The following HEPHL1 variants were observed in gnomAD, a reference collection of about 807,000 sequenced individuals.
HEPHL1 encodes the protein hephaestin like 1.
HEPHL1 carries 123 observed loss-of-function variants against 122.0 expected under a neutral mutation model. The ratio of observed to expected loss-of-function variants is 1.01; its 90% confidence interval spans 0.87 to 1.17. The LOEUF (loss-of-function observed/expected upper bound fraction) is 1.17, where lower values mean the gene tolerates loss of function less well. Among genes scored for constraint, HEPHL1 ranks in the 50% most tolerant of loss-of-function variants. The pLI, the probability that HEPHL1 is intolerant of heterozygous loss-of-function variation, is 0.00. For synonymous variants in HEPHL1, 527 were observed against 508.9 expected (o/e 1.04, Z -0.48); for missense variants, 1,452 against 1,430.5 (o/e 1.01, Z -0.24).
intron 2 of HEPHL1, among the ~76,000 whole-genome samples, chr11:94,056,837 T>C (rs1345457023): frequency 6.6e-6 from 1 of 152,172 alleles, no homozygotes; most frequent in Non-Finnish European, 1.5e-5. Flanking sequence ...AGTCATATAT[T>C]TCCCATTTCT....
chr11:94,031,169 C>T (rs1457283069), intron 1 of HEPHL1, among the ~76,000 whole-genome samples: 3 of 151,850 alleles, frequency 2.0e-5, no homozygotes, highest in South Asian at 2.1e-4. Context: ...ACAGAGTAAC[C>T]GCCCCTCCCC....
At chr11:94,047,047 T>C (rs1034524685) in intron 2 of HEPHL1, among the ~76,000 whole-genome samples, 9 of 152,210 alleles carry the variant, frequency 5.9e-5, no homozygotes, top group South Asian at 2.1e-4. Flanking sequence ...AGAACTCTGA[T>C]GGTGAACACA....
intron 2 of HEPHL1, among the ~76,000 whole-genome samples, chr11:94,047,106 C>A (rs542580582): frequency 1.3e-5 from 2 of 152,224 alleles, no homozygotes; most frequent in African/African-American, 4.8e-5. Context: ...ACCTGGAGTG[C>A]AGCCAAGATT....
intron 3 of HEPHL1, 25 bp from the exon 4 acceptor site, chr11:94,064,306 C>T: frequency 6.4e-7 from 1 of 1,573,706 alleles, no homozygotes; most frequent in Non-Finnish European, 8.7e-7. Flanking sequence ...TTCTTTCTCT[C>T]TACTCTTTTG....
rs746204050 is a variant in HEPHL1 at position 94,082,469 on chromosome 11, C to T, written c.1768C>T (p.Leu590=). The change falls in exon 10 of 20, where the codon CTG becomes TTG. Residue 590 remains leucine, a synonymous_variant. Transcript: ENST00000315765. ...YLLFTVFDEN[L]SRYFDENIQK... ...ACTGTTCACAGTCTTTGATGAGAAT[C>T]TGAGCAGATATTTTGATGAAAACAT... 1.2e-6 allele frequency: 2 copies of T among 1,612,234 alleles called. No homozygotes were observed. Among genetic ancestry groups the T allele is most frequent in the Admixed American group, 3.3e-5 (2 of 59,994 alleles).
At chr11:94,028,883 A>G (rs775418289) in intron 1 of HEPHL1, among the ~76,000 whole-genome samples, 3 of 152,212 alleles carry the variant, frequency 2.0e-5, no homozygotes, top group South Asian at 2.1e-4. Flanking sequence ...CTGTTCTACT[A>G]TTACAAATGC....
intron 17 of HEPHL1, among the ~76,000 whole-genome samples, chr11:94,109,447 A>T (rs1455616957): frequency 6.6e-6 from 1 of 152,158 alleles, no homozygotes; most frequent in African/African-American, 2.4e-5. Context: ...CAAGGGGAGC[A>T]TTTAGTCATT....
Position 94,106,038 on chromosome 11 carries a change from G to A in HEPHL1, c.2953G>A (p.Glu985Lys), listed in dbSNP as rs1235991160. 6 of 1,599,518 alleles carry A rather than the reference G, an allele frequency of 3.8e-6. No individual in the cohort carries two copies. The highest frequency in any genetic ancestry group is 1.7e-5 in the Admixed American group (1 of 59,838). ...GAATCTCCATGGCCTCATAATGAAC[G>A]AAGATACAATGACAAACTGGTATTT... ...FGNLHGLIMN[E>K]DTMTNWYLLG... The change falls in exon 17 of 20, where the codon GAA becomes AAA. Residue 985 changes from glutamate to lysine, a missense_variant. Glu to Lys is a moderately conservative substitution (Grantham distance 56). Transcript: ENST00000315765.
At chr11:94,027,885 A>G (rs1325303637) in intron 1 of HEPHL1, among the ~76,000 whole-genome samples, 1 of 152,188 alleles carries the variant, frequency 6.6e-6, no homozygotes, top group Non-Finnish European at 1.5e-5. Context: ...TATTAATCTA[A>G]TAGGGAGGGT....
At chr11:94,050,323 C>T (rs1021687152) in intron 2 of HEPHL1, among the ~76,000 whole-genome samples, 42 of 151,996 alleles carry the variant, frequency 2.8e-4, no homozygotes, top group Non-Finnish European at 1.9e-4. Flanking sequence ...TATACCTTTA[C>T]GTTTTTTCTT....
intron 1 of HEPHL1, among the ~76,000 whole-genome samples, chr11:94,038,171 A>C (rs1207911532): frequency 6.6e-6 from 1 of 151,034 alleles, no homozygotes; most frequent in Non-Finnish European, 1.5e-5. Flanking sequence ...GTTTAGAGAA[A>C]AAAGAATAAA....
chr11:94,046,391 C>T (rs1199805124), intron 2 of HEPHL1, among the ~76,000 whole-genome samples: 1 of 151,416 alleles, frequency 6.6e-6, no homozygotes, highest in Non-Finnish European at 1.5e-5. Flanking sequence ...AGCCACCATG[C>T]CCGGCTCCCC....
chr11:94,027,988 T>C (rs1342568977), intron 1 of HEPHL1, among the ~76,000 whole-genome samples: 1 of 151,972 alleles, frequency 6.6e-6, no homozygotes, highest in East Asian at 1.9e-4. Flanking sequence ...TTCTCCTTGG[T>C]GAAGAACGTT....
intron 13 of HEPHL1, among the ~76,000 whole-genome samples, chr11:94,098,782 C>T (rs1197161590): frequency 6.6e-6 from 1 of 152,194 alleles, no homozygotes; most frequent in Non-Finnish European, 1.5e-5. Flanking sequence ...ATCACTGATA[C>T]CCTTTCTTCC....
At chr11:94,054,785 G>T (rs1456633675) in intron 2 of HEPHL1, among the ~76,000 whole-genome samples, 1 of 152,232 alleles carries the variant, frequency 6.6e-6, no homozygotes, top group Non-Finnish European at 1.5e-5. Flanking sequence ...AAGCCAGTCT[G>T]CATAGGCACT....
At chr11:94,091,288 C>T (rs1297045466) in intron 12 of HEPHL1, among the ~76,000 whole-genome samples, 1 of 152,164 alleles carries the variant, frequency 6.6e-6, no homozygotes, top group Admixed American at 6.5e-5. Context: ...ATGGGCCTGA[C>T]ATGTGCTTTA....
chr11:94,104,228 G>T (rs1450610312), intron 15 of HEPHL1, among the ~76,000 whole-genome samples: 1 of 152,150 alleles, frequency 6.6e-6, no homozygotes, highest in Non-Finnish European at 1.5e-5. Context: ...TCAAGGGGTA[G>T]CCTAAGTCAG....
chr11:94,063,400 T>A, intron 2 of HEPHL1, 108 bp from the exon 3 acceptor site: 3 of 864,908 alleles, frequency 3.5e-6, no homozygotes, highest in Non-Finnish European at 5.3e-6. Context: ...CAAATAAATT[T>A]TAATTCAGTT....
At chr11:94,073,522 G>T (rs1946096045) in intron 8 of HEPHL1, 83 bp downstream of exon 8, 1 of 1,379,728 alleles carries the variant, frequency 7.2e-7, no homozygotes, top group Non-Finnish European at 9.9e-7. Flanking sequence ...TCAAATCCTG[G>T]TCCTTTCCAT....
Sources: gnomAD v4.1 joint callset for allele counts (sites outside exome capture counted in the v4.1 genomes callset) on GRCh38, gnomAD v4.1.1 for gene constraint, MANE v1.5 for transcripts, NCBI Gene and HGNC (gene_info 2026-07-23, HGNC 2026-07-21) for gene names.